Variants in GATAD2B observed in about 807,000 individuals in gnomAD.
The protein encoded by GATAD2B is transcriptional repressor p66-beta.
Under a neutral mutation model 64.3 loss-of-function variants are expected in GATAD2B, and 8 were observed. That is an observed-to-expected ratio of 0.12 (90% CI 0.07 to 0.22). The LOEUF is 0.22. GATAD2B is among the 10% of genes least tolerant of loss of function. The probability of loss-of-function intolerance (pLI) is 1.00; values close to 1 mark genes in which losing one functional copy is unlikely to be tolerated. For synonymous variants in GATAD2B, 281 were observed against 271.3 expected, an observed-to-expected ratio of 1.04 and a Z score of -0.35; for missense variants, 453 against 752.0, an observed-to-expected ratio of 0.60 and a Z score of 4.65.
intron 2 of GATAD2B, 97 bp downstream of exon 2, chr1:153,827,916 T>C: frequency 1.2e-6 from 1 of 843,756 alleles, no homozygotes; most frequent in East Asian, 2.4e-5. Context: ...TAAGAATCTT[T>C]AGGATGAAAA....
At chr1:153,820,502 G>A (rs947353738) in intron 2 of GATAD2B, among the ~76,000 whole-genome samples, 1 of 152,174 alleles carries the variant, frequency 6.6e-6, no homozygotes, top group Admixed American at 6.5e-5. Flanking sequence ...ACTGCCTCAG[G>A]TTCCCAAATC....
At chr1:153,918,601 A>G (rs1381702823) in intron 1 of GATAD2B, among the ~76,000 whole-genome samples, 1 of 152,222 alleles carries the variant, frequency 6.6e-6, no homozygotes, top group Non-Finnish European at 1.5e-5. Flanking sequence ...GCTTTGATCA[A>G]AAGATTTAAA....
chr1:153,862,462 C>T (rs1370334486), intron 1 of GATAD2B, among the ~76,000 whole-genome samples: 2 of 151,978 alleles, frequency 1.3e-5, no homozygotes, highest in East Asian at 3.9e-4. Flanking sequence ...CATAACATCC[C>T]TATAAAGATG....
At chr1:153,889,461 G>GTATATT (rs1409000316) in intron 1 of GATAD2B, among the ~76,000 whole-genome samples, 2 of 145,812 alleles carry the variant, frequency 1.4e-5, no homozygotes, top group African/African-American at 5.0e-5. Flanking sequence ...AATGTACCAT[G>GTATATT]TATATTTATA....
intron 2 of GATAD2B, among the ~76,000 whole-genome samples, chr1:153,820,260 C>T (rs1022599629): frequency 1.2e-4 from 19 of 152,120 alleles, no homozygotes; most frequent in African/African-American, 4.6e-4. Flanking sequence ...ATTGAACTTG[C>T]ATCTACTTAC....
At chr1:153,855,530 G>C (rs1341362946) in intron 1 of GATAD2B, among the ~76,000 whole-genome samples, 2 of 151,778 alleles carry the variant, frequency 1.3e-5, no homozygotes, top group Non-Finnish European at 2.9e-5. Flanking sequence ...CCTACTATTA[G>C]TTTTCTATGG....
intron 1 of GATAD2B, among the ~76,000 whole-genome samples, chr1:153,866,716 A>T (rs1031771920): frequency 1.3e-5 from 2 of 152,232 alleles, no homozygotes; most frequent in Non-Finnish European, 2.9e-5. Flanking sequence ...AGAAAAGCAG[A>T]ATGGGTACAG....
At position 153,810,294 on chromosome 1, in the gene GATAD2B, G is replaced by A; in HGVS notation, c.1665C>T (p.Tyr555=). The A allele has an allele frequency of 6.2e-7, 1 of 1,613,206 alleles. No individual in the cohort carries two copies. Among genetic ancestry groups the A allele is most frequent in the African/African-American group, 1.3e-5 (1 of 74,980 alleles). ...TGTGTCCTCCGATGCCAGTATTCAA[G>A]TATGCAATGTTGACACCTGGACCCA... ...LLGMPGVNIA[Y]LNTGIGGHKG... Residue 555 remains tyrosine, a synonymous_variant, in exon 11 of 11, where the codon TAC becomes TAT. Transcript: ENST00000368655.
At chr1:153,837,193 G>C (rs961942916) in intron 1 of GATAD2B, among the ~76,000 whole-genome samples, 16 of 152,126 alleles carry the variant, frequency 1.1e-4, no homozygotes, top group Non-Finnish European at 2.1e-4. Context: ...CCTAGAGATA[G>C]AAAGTATAAT....
intron 1 of GATAD2B, among the ~76,000 whole-genome samples, chr1:153,884,669 C>T (rs960623780): frequency 6.6e-6 from 1 of 152,034 alleles, no homozygotes; most frequent in African/African-American, 2.4e-5. Flanking sequence ...TAAAGAATAC[C>T]AAATTATCTA....
intron 2 of GATAD2B, chr1:153,827,679 C>G (rs1218689546): frequency 4.0e-6 from 1 of 252,746 alleles, no homozygotes; most frequent in African/African-American, 2.2e-5. Flanking sequence ...GACAAAAAGA[C>G]TATTTTTCTC....
rs183979769 is a variant in GATAD2B at position 153,883,021 on chromosome 1, G to C, written c.-2+39712C>G. On this transcript the variant is annotated intron_variant, in intron 1 of 10. Coordinates refer to ENST00000368655, the MANE Select transcript of GATAD2B (RefSeq NM_020699.4). ...CTATCTGATCAACTAGTTATAAATT[G>C]TAACAAGGAATAACAAGGGGGGAGG... Among the ~76,000 whole-genome samples the C allele has an allele frequency of 4.6e-5, 7 of 152,210 alleles. No homozygotes were observed. The East Asian group carries it at 1.2e-3, about 25-fold the overall frequency.
At chr1:153,893,370 A>C (rs748003115) in intron 1 of GATAD2B, among the ~76,000 whole-genome samples, 1 of 151,382 alleles carries the variant, frequency 6.6e-6, no homozygotes, top group Non-Finnish European at 1.5e-5. Flanking sequence ...ACTTTGGGAG[A>C]CTGAGGCAGG....
chr1:153,821,727 C>A (rs1181855598), intron 2 of GATAD2B, among the ~76,000 whole-genome samples: 1 of 151,838 alleles, frequency 6.6e-6, no homozygotes, highest in East Asian at 2.0e-4. Context: ...CCGCGCCTGG[C>A]TAATTTTTTT....
intron 1 of GATAD2B, chr1:153,886,359 TG>T (rs1677183936): frequency 6.6e-6 from 1 of 152,174 alleles, no homozygotes; most frequent in Non-Finnish European, 1.5e-5. Flanking sequence ...TATAACACAA[TG>T]GTAAGTATTT....
At chr1:153,829,792 A>G (rs1675012359) in intron 1 of GATAD2B, among the ~76,000 whole-genome samples, 2 of 151,948 alleles carry the variant, frequency 1.3e-5, no homozygotes. Flanking sequence ...TCCAGTTGCA[A>G]TGAAAAATAA....
chr1:153,839,583 T>A (rs1216703394), intron 1 of GATAD2B, among the ~76,000 whole-genome samples: 1 of 152,162 alleles, frequency 6.6e-6, no homozygotes, highest in Non-Finnish European at 1.5e-5. Flanking sequence ...TAAAAGATCA[T>A]AAGATGGTTA....
chr1:153,817,360 G>C lies in GATAD2B; in HGVS notation c.900+12C>G. The C allele has an allele frequency of 6.5e-7, 1 of 1,535,652 alleles. No individual in the cohort carries two copies. Among genetic ancestry groups the C allele is most frequent in the Non-Finnish European group, 8.8e-7 (1 of 1,141,634 alleles). On this transcript the variant is annotated intron_variant, in intron 6 of 10. Transcript: ENST00000368655. ...TTCTCTGTTTCCACATTAGGGCTCA[G>C]CTCTCTCTTACCGGTTGATAATTGA... is the stretch of plus-strand genomic sequence containing the variant.
intron 2 of GATAD2B, among the ~76,000 whole-genome samples, chr1:153,820,194 C>T (rs1369100208): frequency 2.6e-5 from 4 of 151,836 alleles, no homozygotes; most frequent in Non-Finnish European, 5.9e-5. Flanking sequence ...GGGAATAGTG[C>T]CAAGAATATT....
Sources: gnomAD v4.1 joint callset for allele counts (sites outside exome capture counted in the v4.1 genomes callset) on GRCh38, gnomAD v4.1.1 for gene constraint, MANE v1.5 for transcripts, NCBI Gene and HGNC (gene_info 2026-07-23, HGNC 2026-07-21) for gene names.